Variants in GALNT18 observed in about 807,000 individuals in gnomAD.
The protein encoded by GALNT18 is polypeptide N-acetylgalactosaminyltransferase 18.
In GALNT18, 44 loss-of-function variants were observed where a neutral mutation model predicts 69.5. The ratio of observed to expected loss-of-function variants is 0.63; its 90% CI spans 0.50 to 0.81. The LOEUF is 0.81. Ranked by LOEUF, GALNT18 falls within the 40% of genes least tolerant of loss-of-function variation. The probability of loss-of-function intolerance (pLI) is 0.00; values close to 1 mark genes in which losing one functional copy is unlikely to be tolerated. For missense variants in GALNT18, 715 were observed against 810.0 expected (o/e 0.88, Z 1.42); for synonymous variants, 364 against 318.2 (o/e 1.14, Z -1.53).
intron 1 of GALNT18, among the ~76,000 whole-genome samples, chr11:11,529,065 T>G (rs1857582625): frequency 6.6e-6 from 1 of 152,210 alleles, no homozygotes; most frequent in Non-Finnish European, 1.5e-5. Context: ...GAACAGCCTC[T>G]TCTGTATTCC....
rs116007907 is a variant in GALNT18, at chr11:11,385,154, T to C, written c.596-5890A>G. On this transcript the variant is annotated intron_variant, in intron 3 of 10. Coordinates refer to ENST00000227756, the MANE Select transcript of GALNT18 (RefSeq NM_198516.3). ...GAGTGGGGAGGCACCAGGCTCTTTA[T>C]ATCAGCTGTCATGGGAACTAGTAGA... Among the ~76,000 whole-genome samples, 1,084 of 152,090 alleles carry C rather than the reference T, an allele frequency of 7.1e-3. 11 individuals carry two copies. The highest frequency in any genetic ancestry group is 0.025 in the African/African-American group (1,042 of 41,488).
intron 6 of GALNT18, among the ~76,000 whole-genome samples, chr11:11,361,016 T>G (rs1324559645): frequency 3.3e-5 from 5 of 152,182 alleles, no homozygotes; most frequent in African/African-American, 1.2e-4. Flanking sequence ...CTGTTTAAGC[T>G]CATGACTTTT....
At chr11:11,449,198 A>G (rs1484339356) in intron 1 of GALNT18, among the ~76,000 whole-genome samples, 1 of 152,206 alleles carries the variant, frequency 6.6e-6, no homozygotes, top group Non-Finnish European at 1.5e-5. Flanking sequence ...TGGATGTGAC[A>G]TTGATGCCCC....
chr11:11,552,814 A>T (rs1858231476), intron 1 of GALNT18, among the ~76,000 whole-genome samples: 1 of 152,156 alleles, frequency 6.6e-6, no homozygotes, highest in Non-Finnish European at 1.5e-5. Flanking sequence ...CTTTCTCAAG[A>T]AAGACAACAG....
Position 11,610,419 on chromosome 11 carries a change from G to C in GALNT18, c.235+10940C>G, listed in dbSNP as rs573327435. 2.0e-5 allele frequency among the ~76,000 whole-genome samples: 3 copies of C among 152,318 alleles called. No homozygotes were observed. The South Asian group carries it at 6.2e-4, about 32-fold the overall frequency. ...CCCACAGGCCTGCTTATGCGGTTAA[G>C]GTGAGGTGACAGGTGTAAAGTATTT... is the stretch of plus-strand genomic sequence containing the variant. On this transcript the variant is annotated intron_variant, in intron 1 of 10. Transcript: ENST00000227756.
chr11:11,602,508 A>G lies in GALNT18; in HGVS notation c.235+18851T>C, dbSNP rs1859656030. ...CTGTCCAGAGGAGAGCTTCTGTTTT[A>G]TTGAGCTGGAATTGGGGGAGGAAGG... On this transcript the variant is annotated intron_variant, in intron 1 of 10. Coordinates refer to ENST00000227756, the MANE Select transcript of GALNT18 (RefSeq NM_198516.3). The surrounding 1 kb of genome is among the most constrained non-coding windows in gnomAD (Gnocchi z 4.7). 6.6e-6 allele frequency among the ~76,000 whole-genome samples: 1 copy of G among 152,168 alleles called. No individual in the cohort carries two copies. Among genetic ancestry groups the G allele is most frequent in the Non-Finnish European group, 1.5e-5 (1 of 68,030 alleles).
At chr11:11,579,616 G>T (rs964973620) in intron 1 of GALNT18, among the ~76,000 whole-genome samples, 1 of 152,196 alleles carries the variant, frequency 6.6e-6, no homozygotes, top group Non-Finnish European at 1.5e-5. Flanking sequence ...TTAGACCTGG[G>T]CTTTGGGACT....
intron 3 of GALNT18, among the ~76,000 whole-genome samples, chr11:11,429,082 T>G (rs1183684492): frequency 6.6e-6 from 1 of 152,228 alleles, no homozygotes; most frequent in Non-Finnish European, 1.5e-5. Context: ...TATCTTCATC[T>G]GGCTTCGACA....
chr11:11,407,956 C>A (rs1007882920), intron 3 of GALNT18, among the ~76,000 whole-genome samples: 1 of 152,136 alleles, frequency 6.6e-6, no homozygotes, highest in East Asian at 1.9e-4. Flanking sequence ...GTGTCCTGAG[C>A]GCCCTATAAG....
At chr11:11,363,528 T>G (rs1850688554) in intron 6 of GALNT18, among the ~76,000 whole-genome samples, 1 of 152,170 alleles carries the variant, frequency 6.6e-6, no homozygotes, top group South Asian at 2.1e-4. Flanking sequence ...AATAAACAGG[T>G]ACCTATGTTG....
chr11:11,305,381 T>C (rs1849561521), intron 9 of GALNT18, among the ~76,000 whole-genome samples: 1 of 152,192 alleles, frequency 6.6e-6, no homozygotes, highest in African/African-American at 2.4e-5. Context: ...AAGACTGAAC[T>C]GATGGACAGG....
At position 11,470,775 on chromosome 11, in the gene GALNT18, C is replaced by T. The variant is rs375536185; in HGVS notation, c.236-21839G>A. 3.9e-5 allele frequency among the ~76,000 whole-genome samples: 6 copies of T among 152,240 alleles called. No homozygotes were observed. Among genetic ancestry groups the T allele is most frequent in the African/African-American group, 1.4e-4 (6 of 41,548 alleles). On this transcript the variant is annotated intron_variant, in intron 1 of 10. Coordinates refer to ENST00000227756, the MANE Select transcript of GALNT18 (RefSeq NM_198516.3). The surrounding 1 kb of genome is among the most constrained non-coding windows in gnomAD (Gnocchi z 4.8). ...GGCAGCATCTCCCCAGACTACAGAA[C>T]AGGAAGGACTGCCAGGAAGTCAGGT...
rs1455181964 is a variant in GALNT18, at chr11:11,618,295, T to C, written c.235+3064A>G. Among the ~76,000 whole-genome samples, 1 of 152,218 alleles carries C rather than the reference T, an allele frequency of 6.6e-6. No homozygotes were observed. The highest frequency in any genetic ancestry group is 1.5e-5 in the Non-Finnish European group (1 of 68,044). On this transcript the variant is annotated intron_variant, in intron 1 of 10. Transcript: ENST00000227756. This position sits in a 1 kb window ranked among gnomAD's most constrained non-coding sequence, Gnocchi z 6.1. ...TTTTTGGAGAGTGGTAACACTTTCA[T>C]TAATAACCAACGTGGCCATAGGCAT... is the stretch of plus-strand genomic sequence containing the variant.
chr11:11,504,287 A>G (rs1857027892), intron 1 of GALNT18, among the ~76,000 whole-genome samples: 1 of 152,204 alleles, frequency 6.6e-6, no homozygotes, highest in Non-Finnish European at 1.5e-5. Context: ...ACAAGATCTG[A>G]GAAGGAATTG....
intron 9 of GALNT18, among the ~76,000 whole-genome samples, chr11:11,321,517 A>G (rs1452408633): frequency 3.3e-5 from 5 of 152,230 alleles, no homozygotes; most frequent in African/African-American, 1.2e-4. Context: ...AGGCATCCCA[A>G]TGCCCACTTC....
At chr11:11,593,621 T>G (rs561631418) in intron 1 of GALNT18, among the ~76,000 whole-genome samples, 1 of 152,180 alleles carries the variant, frequency 6.6e-6, no homozygotes, top group African/African-American at 2.4e-5. Flanking sequence ...TAAGTGATTG[T>G]CACCCTTTAA....
chr11:11,578,425 T>C (rs1858983660), intron 1 of GALNT18, among the ~76,000 whole-genome samples: 1 of 151,448 alleles, frequency 6.6e-6, no homozygotes, highest in Non-Finnish European at 1.5e-5. Flanking sequence ...AAGAGAACAC[T>C]GGCCCAATGT....
chr11:11,324,118 C>A (rs1265562434), intron 9 of GALNT18, among the ~76,000 whole-genome samples: 1 of 152,204 alleles, frequency 6.6e-6, no homozygotes, highest in Non-Finnish European at 1.5e-5. Context: ...GAGCCCTCAC[C>A]AGAAACTGAA....
At chr11:11,368,169 A>G (rs1850813628) in intron 6 of GALNT18, among the ~76,000 whole-genome samples, 1 of 152,234 alleles carries the variant, frequency 6.6e-6, no homozygotes, top group Admixed American at 6.5e-5. Context: ...ACAGTTGAAA[A>G]GTCAGCTGTT....
Sources: allele counts gnomAD v4.1 joint callset (sites outside exome capture counted in the v4.1 genomes callset), GRCh38; gene constraint gnomAD v4.1.1; non-coding constraint Gnocchi (gnomAD v3.1); transcripts MANE v1.5; gene names NCBI Gene and HGNC (gene_info 2026-07-23, HGNC 2026-07-21).